TNN: variants seen among roughly 807,000 people sequenced by gnomAD.
TNN encodes the protein tenascin-N.
TNN carries 122 observed loss-of-function variants against 134.4 expected under a neutral mutation model. The observed-to-expected ratio is 0.91, with a 90% confidence interval of 0.78 to 1.06. The LOEUF (loss-of-function observed/expected upper bound fraction) is 1.06. Ranked by LOEUF, TNN falls within the 50% of genes least tolerant of loss-of-function variation. The pLI is 0.00. For missense variants in TNN, 1,739 were observed against 1,699.4 expected (o/e 1.02, Z -0.41); for synonymous variants, 710 against 670.3 (o/e 1.06, Z -0.91).
At chr1:175,075,347 G>A (rs989918212) in intron 1 of TNN, among the ~76,000 whole-genome samples, 1 of 152,128 alleles carries the variant, frequency 6.6e-6, no homozygotes, top group Non-Finnish European at 1.5e-5. Flanking sequence ...GCCCAGGCTG[G>A]AGTGCAGTGG....
rs539799504 is a variant in TNN, at chr1:175,103,444, A to G, written c.2119+4849A>G. Among the ~76,000 whole-genome samples the G allele has an allele frequency of 1.5e-4, 22 of 146,200 alleles. 3 individuals carry two copies. In the East Asian group the frequency reaches 4.4e-3, roughly 29 times the overall value. On this transcript the variant is annotated intron_variant, in intron 9 of 18. Coordinates refer to ENST00000239462, the MANE Select transcript of TNN (RefSeq NM_022093.2). ...CTATTTGGGATTGTAAAGTAAGGATAGATTTCATTATTTCTTGCAAACTGT... is the reference window on the plus strand; with the variant it reads ...CTATTTGGGATTGTAAAGTAAGGATGGATTTCATTATTTCTTGCAAACTGT...
At chr1:175,116,398 A>G (rs1675167026) in intron 9 of TNN, among the ~76,000 whole-genome samples, 1 of 152,196 alleles carries the variant, frequency 6.6e-6, no homozygotes, top group Admixed American at 6.5e-5. Context: ...ACTCAGAGTG[A>G]TAAGTGCAAT....
At chr1:175,138,467 A>T (rs1268287890) in intron 17 of TNN, among the ~76,000 whole-genome samples, 1 of 152,094 alleles carries the variant, frequency 6.6e-6, no homozygotes, top group Non-Finnish European at 1.5e-5. Flanking sequence ...GTGACATGGG[A>T]GGGGACAAAG....
intron 15 of TNN, among the ~76,000 whole-genome samples, chr1:175,134,524 A>C (rs1361891448): frequency 4.3e-5 from 6 of 140,982 alleles, no homozygotes; most frequent in African/African-American, 1.3e-4. Flanking sequence ...CAGCCTGGGC[A>C]ACAGAGTGAG....
chr1:175,135,555 C>T (rs912843903), intron 15 of TNN, among the ~76,000 whole-genome samples: 1 of 152,188 alleles, frequency 6.6e-6, no homozygotes, highest in Non-Finnish European at 1.5e-5. Context: ...CTAGACAACC[C>T]ACACTAGCAA....
intron 14 of TNN, 123 bp downstream of exon 14, chr1:175,128,287 G>A: frequency 1.0e-6 from 1 of 969,340 alleles, no homozygotes. Flanking sequence ...GCATGGGGAA[G>A]TGGAAATGGG....
chr1:175,123,415 A>C lies in TNN; in HGVS notation c.2666A>C (p.Lys889Thr). Residue 889 changes from lysine to threonine, a missense_variant, in exon 12 of 19, where the codon AAA becomes ACA. Transcript: ENST00000239462. ...TTTTAAAAAGAAATTGACGGCCCCAAAAACCTAGTGACTGACTGGGTGACG... is the reference window on the plus strand; with the variant it reads ...TTTTAAAAAGAAATTGACGGCCCCACAAACCTAGTGACTGACTGGGTGACG... ...TKAQTEIDGP[K>T]NLVTDWVTEN... 3 of 1,613,832 alleles carry C rather than the reference A, an allele frequency of 1.9e-6. No homozygotes were observed. Among genetic ancestry groups the C allele is most frequent in the Non-Finnish European group, 2.5e-6 (3 of 1,179,930 alleles).
chr1:175,075,763 C>A (rs555909843), intron 1 of TNN, among the ~76,000 whole-genome samples: 1 of 152,190 alleles, frequency 6.6e-6, no homozygotes, highest in African/African-American at 2.4e-5. Flanking sequence ...GTCATTCCCA[C>A]GTTACAGACA....
At chr1:175,112,588 G>A (rs138311486) in intron 9 of TNN, among the ~76,000 whole-genome samples, 150 of 89,454 alleles carry the variant, frequency 1.7e-3, no homozygotes, top group African/African-American at 6.6e-3. Flanking sequence ...GATCCATTCA[G>A]CCGGCCGATC....
rs1347221879 is a variant in TNN, at chr1:175,135,939, T to A, written c.3425T>A (p.Leu1142His). The change falls in exon 16 of 19, where the codon CTT becomes CAT. Residue 1142 changes from leucine to histidine, a missense_variant and splice_region_variant. By Grantham distance (99) the Leu-to-His change is moderately conservative. Coordinates refer to ENST00000239462, the MANE Select transcript of TNN (RefSeq NM_022093.2). ...GFGDPMKEFW[L>H]GLDKLHNLTT... ...GGGGACCCCATGAAGGAGTTCTGGC[T>A]TGGTATGATCTCAGAATCCAGGAGG... 1 of 1,609,232 alleles carries A rather than the reference T, an allele frequency of 6.2e-7. No homozygotes were observed. The highest frequency in any genetic ancestry group is 8.5e-7 in the Non-Finnish European group (1 of 1,175,950).
intron 11 of TNN, among the ~76,000 whole-genome samples, chr1:175,121,791 T>C (rs1355702827): frequency 1.3e-5 from 2 of 152,198 alleles, no homozygotes; most frequent in Non-Finnish European, 2.9e-5. Flanking sequence ...CATGGGAGAT[T>C]GGACTACCAT....
At chr1:175,139,488 C>T (rs1675895134) in intron 17 of TNN, among the ~76,000 whole-genome samples, 1 of 152,220 alleles carries the variant, frequency 6.6e-6, no homozygotes, top group African/African-American at 2.4e-5. Context: ...CTGTCTTCCA[C>T]CTCCGCATCT....
At chr1:175,127,164 G>A in intron 13 of TNN, 79 bp downstream of exon 13, 13 of 1,539,616 alleles carry the variant, frequency 8.4e-6, no homozygotes, top group Non-Finnish European at 1.0e-5. Context: ...CAGCTCATTT[G>A]CTGGCCTCAC....
intron 9 of TNN, 125 bp downstream of exon 9, chr1:175,098,720 A>G (rs2149433301): frequency 7.4e-7 from 1 of 1,348,440 alleles, no homozygotes; most frequent in South Asian, 1.4e-5. Flanking sequence ...CTCCCATAAT[A>G]CATTGTGTCC....
chr1:175,069,695 C>G (rs1205928103), intron 1 of TNN, among the ~76,000 whole-genome samples: 1 of 152,208 alleles, frequency 6.6e-6, no homozygotes, highest in Non-Finnish European at 1.5e-5. Context: ...AGTCTGTGAG[C>G]AGAAGTTGCT....
intron 9 of TNN, among the ~76,000 whole-genome samples, chr1:175,099,183 C>A (rs1674654065): frequency 6.6e-6 from 1 of 152,214 alleles, no homozygotes; most frequent in Non-Finnish European, 1.5e-5. Context: ...TGTGGGCCAG[C>A]TGCCTGCTCC....
At chr1:175,084,898 G>A (rs925034787) in intron 5 of TNN, among the ~76,000 whole-genome samples, 4 of 152,160 alleles carry the variant, frequency 2.6e-5, no homozygotes, top group African/African-American at 4.8e-5. Flanking sequence ...AGGCTGAGGC[G>A]GGAGGATCCC....
At chr1:175,113,522 T>C (rs1434311463) in intron 9 of TNN, among the ~76,000 whole-genome samples, 3 of 152,230 alleles carry the variant, frequency 2.0e-5, no homozygotes, top group African/African-American at 7.2e-5. Context: ...AACTTGACTA[T>C]AATATACTTC....
chr1:175,112,834 C>A (rs2101831930), intron 9 of TNN, among the ~76,000 whole-genome samples: 1 of 151,722 alleles, frequency 6.6e-6, no homozygotes, highest in East Asian at 1.9e-4. Flanking sequence ...GTTGGCTAGG[C>A]TGGTCTCAAA....
Sources: gnomAD v4.1 joint callset for allele counts (sites outside exome capture counted in the v4.1 genomes callset) on GRCh38, gnomAD v4.1.1 for gene constraint, MANE v1.5 for transcripts, NCBI Gene and HGNC (gene_info 2026-07-23, HGNC 2026-07-21) for gene names.